The following DHCR7 variants were observed in gnomAD, a reference collection of about 807,000 sequenced individuals.
The protein encoded by DHCR7 is 7-dehydrocholesterol reductase, also known as 7-DHC reductase.
In DHCR7, 40 loss-of-function variants were observed where a neutral mutation model predicts 43.3. That is an observed-to-expected ratio of 0.92 (90% CI 0.72 to 1.20). The LOEUF is 1.20. DHCR7 is among the 50% of genes most tolerant of loss of function. The pLI, the probability that DHCR7 is intolerant of heterozygous loss-of-function variation, is 0.00. For missense variants in DHCR7, 608 were observed against 644.6 expected (o/e 0.94, Z 0.62); for synonymous variants, 298 against 271.4 (o/e 1.10, Z -0.96).
At chr11:71,435,942 C>A in intron 8 of DHCR7, 103 bp from the exon 9 acceptor site, 1 of 898,960 alleles carries the variant, frequency 1.1e-6, no homozygotes, top group Non-Finnish European at 1.8e-6. Flanking sequence ...CCAGCTCTGC[C>A]TCTGACACAC....
intron 6 of DHCR7, among the ~76,000 whole-genome samples, chr11:71,440,332 T>C (rs1159287395): frequency 3.3e-5 from 5 of 151,648 alleles, no homozygotes; most frequent in African/African-American, 1.2e-4. Context: ...GGTAAATGGA[T>C]GGATGACGGG....
intron 4 of DHCR7, among the ~76,000 whole-genome samples, chr11:71,442,887 C>T (rs753309422): frequency 1.4e-4 from 22 of 152,202 alleles, no homozygotes; most frequent in Non-Finnish European, 2.8e-4. Context: ...TGGTTGTACA[C>T]CTATCACTGC....
downstream of DHCR7, among the ~76,000 whole-genome samples, chr11:71,432,727 T>C (rs1480999755): frequency 6.6e-6 from 1 of 152,094 alleles, no homozygotes; most frequent in Non-Finnish European, 1.5e-5. Flanking sequence ...TAGGTTTAAA[T>C]TTGGCCTCTA....
At chr11:71,440,549 G>A (rs1949337953) in intron 6 of DHCR7, among the ~76,000 whole-genome samples, 2 of 150,102 alleles carry the variant, frequency 1.3e-5, no homozygotes, top group Non-Finnish European at 1.5e-5. Context: ...AGGTGGGTGG[G>A]TAGGTGGATG....
intron 5 of DHCR7, 32 bp downstream of exon 5, chr11:71,442,231 G>C: frequency 6.6e-7 from 1 of 1,526,248 alleles, no homozygotes; most frequent in Non-Finnish European, 9.1e-7. Context: ...ATGAGAACGG[G>C]AGCCTGGGGA....
downstream of DHCR7, among the ~76,000 whole-genome samples, chr11:71,433,198 G>A (rs114879621): frequency 8.8e-3 from 1,333 of 152,340 alleles, 19 homozygotes; most frequent in African/African-American, 0.031. Flanking sequence ...GCTTCCCAGG[G>A]ATCAGGCACT....
Position 71,435,844 on chromosome 11 carries a change from G to C in DHCR7, c.964-5C>G. The C allele has an allele frequency of 6.3e-7, 1 of 1,597,792 alleles. No individual in the cohort carries two copies. The highest frequency in any genetic ancestry group is 8.5e-7 in the Non-Finnish European group (1 of 1,173,414). ...GTGGTACACCAAGTACAGACCCTGG[G>C]GGGCGAGGGGGAAGGGGTCAAGCGG... On this transcript the variant is annotated splice_polypyrimidine_tract_variant and splice_region_variant and intron_variant, in intron 8 of 8. Coordinates refer to ENST00000355527, the MANE Select transcript of DHCR7 (RefSeq NM_001360.3).
chr11:71,437,127 C>A (rs538018176), intron 8 of DHCR7, among the ~76,000 whole-genome samples: 5 of 152,182 alleles, frequency 3.3e-5, no homozygotes, highest in Non-Finnish European at 5.9e-5. Flanking sequence ...TCCAGGACAC[C>A]CGCACCTCCA....
At chr11:71,441,575 C>G (rs1258188325) in intron 5 of DHCR7, 135 bp from the exon 6 acceptor site, 2 of 757,998 alleles carry the variant, frequency 2.6e-6, no homozygotes, top group East Asian at 2.7e-5. Flanking sequence ...TCTGGGGCCC[C>G]AGGAACCATC....
Position 71,435,615 on chromosome 11 carries a change from C to T in DHCR7, c.1188G>A (p.Val396=), listed in dbSNP as rs1468084166. Reference sequence around the variant, plus strand: ...GGCGGGCCACGCCCCAGAAGCCCGACACCAGCAGCTTGCTGTGGTGCCTCT... The same window carrying T: ...GGCGGGCCACGCCCCAGAAGCCCGATACCAGCAGCTTGCTGTGGTGCCTCT... The part of the protein sequence containing the change: ...DGQRHHSKLL[V]SGFWGVARHF... The change falls in exon 9 of 9, where the codon GTG becomes GTA. Residue 396 remains valine (V), a synonymous_variant. Coordinates refer to ENST00000355527, the MANE Select transcript of DHCR7 (RefSeq NM_001360.3). 1.2e-6 allele frequency: 2 copies of T among 1,610,328 alleles called. No homozygotes were observed. The highest frequency in any genetic ancestry group is 1.7e-6 in the Non-Finnish European group (2 of 1,179,762).
chr11:71,444,981 T>C, intron 2 of DHCR7, 23 bp from the exon 3 acceptor site: 1 of 1,595,084 alleles, frequency 6.3e-7, no homozygotes, highest in Non-Finnish European at 8.6e-7. Context: ...GAACCTTGCT[T>C]ACATTATCCC....
At chr11:71,446,502 AAAC>A (rs1949404828) in intron 2 of DHCR7, among the ~76,000 whole-genome samples, 1 of 152,246 alleles carries the variant, frequency 6.6e-6, no homozygotes, top group African/African-American at 2.4e-5. Flanking sequence ...AAGTAGGTAC[AAAC>A]AACAACACAA....
rs1205529414 is a variant in DHCR7, at chr11:71,435,607, A to T, written c.1196T>A (p.Phe399Tyr). The change falls in exon 9 of 9, where the codon TTC (phenylalanine) becomes TAC (tyrosine). Residue 399 changes from phenylalanine (F) to tyrosine (Y), a missense_variant. Physicochemically the swap from Phe to Tyr is conservative, Grantham distance 22 (BLOSUM62 3). Transcript: ENST00000355527. ...RHHSKLLVSG[F>Y]WGVARHFNYV... ...GTTGAAGTGGCGGGCCACGCCCCAG[A>T]AGCCCGACACCAGCAGCTTGCTGTG... is the stretch of plus-strand genomic sequence containing the variant. The T allele has an allele frequency of 1.2e-6, 2 of 1,609,344 alleles. No individual in the cohort carries two copies. The highest frequency in any genetic ancestry group is 2.7e-5 in the African/African-American group (2 of 74,944).
At chr11:71,441,206 G>A (rs756048280) in intron 6 of DHCR7, 21 bp downstream of exon 6, 3 of 1,612,148 alleles carry the variant, frequency 1.9e-6, no homozygotes, top group Non-Finnish European at 2.5e-6. Context: ...CATCAGGCTG[G>A]ACCCGCTGCT....
intron 6 of DHCR7, 62 bp downstream of exon 6, chr11:71,441,165 G>C: frequency 2.0e-6 from 3 of 1,516,166 alleles, no homozygotes; most frequent in Non-Finnish European, 2.7e-6. Flanking sequence ...CAGGCAGCAA[G>C]AAAGGCCAGG....
intron 8 of DHCR7, among the ~76,000 whole-genome samples, chr11:71,437,207 G>A (rs773274120): frequency 4.6e-5 from 7 of 152,204 alleles, no homozygotes; most frequent in Middle Eastern, 3.2e-3. Flanking sequence ...GCCTCTCCAC[G>A]TTGGTTCTCT....
rs1401502860 is a variant in DHCR7, at chr11:71,439,082, T to C, written c.628A>G (p.Lys210Glu). ...YFFPTSARDCKFTGNFFYNYM... is the reference protein window; with the variant it reads ...YFFPTSARDCEFTGNFFYNYM... ...TTGTAAAAGAAATTGCCTGTGAATT[T>C]GCTTAAAAATATAAATAAAAGATAC... Residue 210 changes from lysine to glutamate, a missense_variant and splice_region_variant, in exon 7 of 9, where the codon AAA (lysine) becomes GAA (glutamate). Lys to Glu is a moderately conservative substitution (Grantham distance 56). Transcript: ENST00000355527. 1.9e-6 allele frequency: 3 copies of C among 1,613,478 alleles called. No homozygotes were observed. The African/African-American group carries it at 4.0e-5, about 22-fold the overall frequency.
rs760123718 is a variant in DHCR7 at position 71,441,277 on chromosome 11, G to A, written c.576C>T (p.Ser192=). 6.2e-7 allele frequency: 1 copy of A among 1,614,218 alleles called. No individual in the cohort carries two copies. The change falls in exon 6 of 9, where the codon TCC becomes TCT. Residue 192 remains serine, a synonymous_variant. Transcript: ENST00000355527. ...AGTAGCCCTTGACCATGGCGAAGGT[G>A]GAGACGGCATAGCCAAGGATGTTGG... ...WCANILGYAV[S]TFAMVKGYFF...
chr11:71,435,895 G>T, intron 8 of DHCR7, 56 bp from the exon 9 acceptor site: 1 of 1,477,338 alleles, frequency 6.8e-7, no homozygotes. Flanking sequence ...GAGGACAGGA[G>T]TGTGGGCTCG....
Sources: gnomAD v4.1 joint callset for allele counts (sites outside exome capture counted in the v4.1 genomes callset) on GRCh38, gnomAD v4.1.1 for gene constraint, MANE v1.5 for transcripts, NCBI Gene and HGNC (gene_info 2026-07-23, HGNC 2026-07-21) for gene names.